Variants in MKRN2OS observed in about 807,000 individuals in gnomAD.
The protein encoded by MKRN2OS is MKRN2 opposite strand protein.
In MKRN2OS, 17 loss-of-function variants were observed where a neutral mutation model predicts 18.2. The observed-to-expected ratio is 0.93, with a 90% CI of 0.64 to 1.40. The LOEUF (loss-of-function observed/expected upper bound fraction) is 1.40, where lower values mean the gene tolerates loss of function less well. Ranked by LOEUF, MKRN2OS falls within the 40% of genes most tolerant of loss-of-function variation. The pLI is 0.00. For synonymous variants in MKRN2OS, 121 were observed against 108.5 expected, an observed-to-expected ratio of 1.12 and a Z score of -0.72; for missense variants, 337 against 283.0, an observed-to-expected ratio of 1.19 and a Z score of -1.37.
chr3:12,545,401 T>C lies in MKRN2OS; in HGVS notation c.64A>G (p.Ser22Gly), dbSNP rs1177389327. The C allele has an allele frequency of 2.0e-6, 3 of 1,535,660 alleles. No individual in the cohort carries two copies. In the Admixed American group the frequency reaches 5.9e-5, roughly 30 times the overall value. Residue 22 changes from serine to glycine, a missense_variant, in exon 1 of 4, where the codon AGC becomes GGC. Ser to Gly is a moderately conservative substitution (Grantham distance 56, BLOSUM62 0). Coordinates refer to ENST00000564146, the MANE Select transcript of MKRN2OS (RefSeq NM_001195279.2). ...KFNHCEKYIY[S>G]FSVPQCCPLC... ...GGGCAGCACTGGGGCACACTGAAGC[T>C]GTAGATGTATTTCTCACAGTGGTTG...
chr3:12,543,808 C>T (rs1559380976), intron 1 of MKRN2OS, among the ~76,000 whole-genome samples: 1 of 151,554 alleles, frequency 6.6e-6, no homozygotes, highest in African/African-American at 2.4e-5. Context: ...ACGAGAATCG[C>T]TTGAACCTGG....
intron 3 of MKRN2OS, among the ~76,000 whole-genome samples, chr3:12,541,330 C>T (rs1485220847): frequency 6.6e-6 from 1 of 152,050 alleles, no homozygotes; most frequent in East Asian, 1.9e-4. Context: ...TCAAGTGATT[C>T]TCCTGCCCAA....
At position 12,539,849 on chromosome 3, in the gene MKRN2OS, G is replaced by A. The variant is rs752201173; in HGVS notation, c.*344C>T. On this transcript the variant is annotated 3_prime_UTR_variant, in exon 4 of 4. Coordinates refer to ENST00000564146, the MANE Select transcript of MKRN2OS (RefSeq NM_001195279.2). ...TGCCCAGGCTGGAGTGCAATGGCAC[G>A]ATCTCAACTCATCCCAACCTCCGCC... 1.0e-4 allele frequency: 28 copies of A among 275,610 alleles called. No homozygotes were observed. Among genetic ancestry groups the A allele is most frequent in the East Asian group, 3.1e-4 (4 of 13,028 alleles). The allele number at this position is 275,610 out of a possible 1,614,324, so 17.1% of individuals were successfully genotyped here. A position where few individuals can be genotyped will look rare whatever the true frequency, so the allele number is the denominator to read the frequency against.
rs1314917335 is a variant in MKRN2OS, at chr3:12,539,867, C to T, written c.*326G>A. The stretch of plus-strand genomic sequence containing the variant: ...ATGGCACGATCTCAACTCATCCCAA[C>T]CTCCGCCTCCCGGGTTCAAGCGATT... On this transcript the variant is annotated 3_prime_UTR_variant, in exon 4 of 4. Transcript: ENST00000564146. 1 of 305,288 alleles carries T rather than the reference C, an allele frequency of 3.3e-6. No homozygotes were observed. The highest frequency in any genetic ancestry group is 2.1e-5 in the African/African-American group (1 of 47,184). 18.9% of individuals were successfully genotyped at this position (305,288 alleles called of 1,614,324 possible). A position where few individuals can be genotyped will look rare whatever the true frequency, so the allele number is the denominator to read the frequency against.
At position 12,540,066 on chromosome 3, in the gene MKRN2OS, T is replaced by C; in HGVS notation, c.*127A>G. On this transcript the variant is annotated 3_prime_UTR_variant, in exon 4 of 4. Transcript: ENST00000564146. ...TCCCAAAGTGCTGGGATTACAGGTG[T>C]GAGCCACCATGCCCGGCCCATACAC... 7.3e-7 allele frequency: 1 copy of C among 1,363,668 alleles called. No homozygotes were observed. Among genetic ancestry groups the C allele is most frequent in the Non-Finnish European group, 9.9e-7 (1 of 1,011,244 alleles). The allele number at this position is 1,363,668 out of a possible 1,614,324, so 84.5% of individuals were successfully genotyped here.
chr3:12,548,851 T>C (rs974900227), upstream of MKRN2OS, among the ~76,000 whole-genome samples: 1 of 152,182 alleles, frequency 6.6e-6, no homozygotes, highest in Non-Finnish European at 1.5e-5. Context: ...CTTTTCTCTA[T>C]CTTAATCTTG....
chr3:12,553,016 CAAAAA>C (rs371579378), downstream of MKRN2OS, among the ~76,000 whole-genome samples: 2 of 102,022 alleles, frequency 2.0e-5, no homozygotes, highest in Non-Finnish European at 3.8e-5. Flanking sequence ...ACCCGGTCTC[CAAAAA>C]AAAAAAAAAA....
intron 1 of MKRN2OS, among the ~76,000 whole-genome samples, chr3:12,544,758 G>C (rs1234712757): frequency 6.6e-6 from 1 of 152,136 alleles, no homozygotes; most frequent in Non-Finnish European, 1.5e-5. Context: ...CTCAGCAAGA[G>C]AGAACTGAAT....
chr3:12,554,087 A>G (rs1286912506), exon 2 of MKRN2OS: 1 of 152,184 alleles, frequency 6.6e-6, no homozygotes, highest in Non-Finnish European at 1.5e-5. Context: ...ACCCGCTTCT[A>G]TCTGATAGCC....
chr3:12,555,303 C>T (rs2057959083), intron 1 of MKRN2OS, among the ~76,000 whole-genome samples: 1 of 133,990 alleles, frequency 7.5e-6, no homozygotes, highest in African/African-American at 3.1e-5. Flanking sequence ...CAGAGCAAGA[C>T]TCCGTCTCAA....
chr3:12,543,518 T>C, intron 1 of MKRN2OS, among the ~76,000 whole-genome samples: 2 of 150,478 alleles, frequency 1.3e-5, no homozygotes, highest in Admixed American at 6.6e-5. Context: ...ACCCGGGAGG[T>C]GGAGATTGCA....
chr3:12,551,458 G>A (rs1233727014), downstream of MKRN2OS, among the ~76,000 whole-genome samples: 1 of 150,632 alleles, frequency 6.6e-6, no homozygotes, highest in Non-Finnish European at 1.5e-5. Flanking sequence ...TTGTGCCTCT[G>A]CACTCCAGCC....
At chr3:12,556,743 GGA>G (rs1479780969) in intron 1 of MKRN2OS, among the ~76,000 whole-genome samples, 10 of 152,262 alleles carry the variant, frequency 6.6e-5, no homozygotes, top group African/African-American at 1.9e-4. Context: ...GGGATTAAGA[GGA>G]GAGGCTGGAG....
rs1289800014 is a variant in MKRN2OS, at chr3:12,540,381, A to G, written c.484T>C (p.Cys162Arg). The G allele has an allele frequency of 6.5e-7, 1 of 1,536,126 alleles. No individual in the cohort carries two copies. Among genetic ancestry groups the G allele is most frequent in the African/African-American group, 1.4e-5 (1 of 73,154 alleles). ...TGTCTACCTTCTGCCATCAGAACGCAGTTAATGAACGTGAGTGCGTAAGAG... is the reference window on the plus strand; with the variant it reads ...TGTCTACCTTCTGCCATCAGAACGCGGTTAATGAACGTGAGTGCGTAAGAG... ...CYSYALTFIN[C>R]VLMAEGRQQL... Residue 162 changes from cysteine (C) to arginine (R), a missense_variant, in exon 4 of 4, where the codon TGC becomes CGC. Coordinates refer to ENST00000564146, the MANE Select transcript of MKRN2OS (RefSeq NM_001195279.2).
chr3:12,543,158 T>G lies in MKRN2OS; in HGVS notation c.268+22A>C. ...CTTTTGCTGGGTAGTAGGGGTTTTTTAAGCTACAAAACTGCACTTACCATT... is the reference window on the plus strand; with the variant it reads ...CTTTTGCTGGGTAGTAGGGGTTTTTGAAGCTACAAAACTGCACTTACCATT... On this transcript the variant is annotated intron_variant, in intron 2 of 3. Transcript: ENST00000564146. 2 of 1,531,866 alleles carry G rather than the reference T, an allele frequency of 1.3e-6. 1 individual carries two copies. The highest frequency in any genetic ancestry group is 2.4e-5 in the South Asian group (2 of 83,470). The allele number at this position is 1,531,866 out of a possible 1,614,324, so 94.9% of individuals were successfully genotyped here.
upstream of MKRN2OS, among the ~76,000 whole-genome samples, chr3:12,545,914 TC>T (rs1229823009): frequency 6.6e-6 from 1 of 152,128 alleles, no homozygotes; most frequent in Non-Finnish European, 1.5e-5. Context: ...CAAGTGATTC[TC>T]CCCACTCAGC....
downstream of MKRN2OS, among the ~76,000 whole-genome samples, chr3:12,551,081 G>A (rs1159556131): frequency 2.6e-5 from 4 of 151,864 alleles, no homozygotes; most frequent in African/African-American, 9.7e-5. Flanking sequence ...TGTCTCCTTT[G>A]GACTTGGTTA....
chr3:12,544,505 G>A (rs2057858718), intron 1 of MKRN2OS, among the ~76,000 whole-genome samples: 5 of 151,804 alleles, frequency 3.3e-5, no homozygotes, highest in Admixed American at 1.3e-4. Flanking sequence ...GTGAAACCCC[G>A]TCTCTACTAA....
At chr3:12,557,430 G>A (rs1218587259) in intron 1 of MKRN2OS, among the ~76,000 whole-genome samples, 1 of 152,270 alleles carries the variant, frequency 6.6e-6, no homozygotes, top group Non-Finnish European at 1.5e-5. Flanking sequence ...GCCCCTGTGG[G>A]CTGGGAGGAA....
Sources: allele counts gnomAD v4.1 joint callset (sites outside exome capture counted in the v4.1 genomes callset), GRCh38; gene constraint gnomAD v4.1.1; transcripts MANE v1.5; gene names NCBI Gene and HGNC (gene_info 2026-07-23, HGNC 2026-07-21).